Variants in SUMF1 observed in about 807,000 individuals in gnomAD.
SUMF1 encodes the protein formylglycine-generating enzyme.
SUMF1 carries 48 observed loss-of-function variants against 47.6 expected under a neutral mutation model. The ratio of observed to expected loss-of-function variants is 1.01; its 90% CI spans 0.80 to 1.28. The LOEUF is 1.28. SUMF1 is among the 50% of genes most tolerant of loss of function. The pLI is 0.00. For missense variants in SUMF1, 571 were observed against 485.4 expected (o/e 1.18, Z -1.66); for synonymous variants, 230 against 192.1 (o/e 1.20, Z -1.63).
chr3:4,110,760 G>A (rs187802187), intron 8 of SUMF1, among the ~76,000 whole-genome samples: 75 of 147,324 alleles, frequency 5.1e-4, no homozygotes, highest in South Asian at 8.6e-4. Context: ...ACCAAACACC[G>A]CATGTTCTCA....
At chr3:4,175,742 A>C (rs1694945853) in intron 8 of SUMF1, among the ~76,000 whole-genome samples, 1 of 152,178 alleles carries the variant, frequency 6.6e-6, no homozygotes, top group Admixed American at 6.5e-5. Context: ...AACTTCTCCG[A>C]GCTAAAGGAG....
intron 8 of SUMF1, among the ~76,000 whole-genome samples, chr3:4,345,787 C>T (rs1338653243): frequency 6.6e-6 from 1 of 151,992 alleles, no homozygotes; most frequent in East Asian, 1.9e-4. Context: ...ATTCAGGAGA[C>T]CCATCTTACA....
intron 8 of SUMF1, among the ~76,000 whole-genome samples, chr3:4,182,562 AGCTAGAATAGTTCAATAG>A (rs1404155045): frequency 6.6e-6 from 1 of 152,054 alleles, no homozygotes; most frequent in East Asian, 1.9e-4. Flanking sequence ...GGTCCCAAAG[AGCTAGAATAGTTCAATAG>A]GCTTTGTTCT....
intron 6 of SUMF1, among the ~76,000 whole-genome samples, chr3:4,413,406 TG>T (rs1246920432): frequency 6.6e-6 from 1 of 152,148 alleles, no homozygotes; most frequent in Non-Finnish European, 1.5e-5. Flanking sequence ...CTCAAGGGTT[TG>T]GGTATTTTTT....
At chr3:4,309,042 A>G (rs1221715661) in intron 8 of SUMF1, among the ~76,000 whole-genome samples, 2 of 152,228 alleles carry the variant, frequency 1.3e-5, no homozygotes, top group Non-Finnish European at 2.9e-5. Flanking sequence ...AAGACAGGAC[A>G]GTTGGAAGCA....
intron 8 of SUMF1, among the ~76,000 whole-genome samples, chr3:4,271,320 C>T (rs560541759): frequency 5.9e-5 from 9 of 152,152 alleles, no homozygotes; most frequent in Non-Finnish European, 1.0e-4. Flanking sequence ...GGGCCAACCA[C>T]TCCATGTCTT....
intron 8 of SUMF1, among the ~76,000 whole-genome samples, chr3:4,198,166 A>G (rs1319661865): frequency 1.3e-5 from 2 of 151,560 alleles, no homozygotes; most frequent in African/African-American, 2.4e-5. Flanking sequence ...TTCCTTACTC[A>G]TTGGCAGTGA....
chr3:4,371,032 A>T (rs1333342042), intron 8 of SUMF1, among the ~76,000 whole-genome samples: 1 of 152,234 alleles, frequency 6.6e-6, no homozygotes, highest in Non-Finnish European at 1.5e-5. Context: ...GTCAATTCAC[A>T]CATCATTCCA....
At chr3:4,311,981 G>T (rs1698423257) in intron 8 of SUMF1, among the ~76,000 whole-genome samples, 1 of 152,054 alleles carries the variant, frequency 6.6e-6, no homozygotes, top group Non-Finnish European at 1.5e-5. Context: ...TTTAGATTGA[G>T]GATTGTCTTC....
At chr3:4,158,062 T>C (rs1465361089) in intron 8 of SUMF1, among the ~76,000 whole-genome samples, 1 of 151,508 alleles carries the variant, frequency 6.6e-6, no homozygotes, top group Admixed American at 6.6e-5. Context: ...TCCAATTGAG[T>C]TCAATTCAAA....
At chr3:4,403,620 C>T (rs1362738576) in intron 7 of SUMF1, among the ~76,000 whole-genome samples, 1 of 152,148 alleles carries the variant, frequency 6.6e-6, no homozygotes, top group Non-Finnish European at 1.5e-5. Flanking sequence ...AAGGAAGATA[C>T]ATTCTTATTC....
chr3:4,416,501 T>A (rs1701717162), intron 6 of SUMF1, among the ~76,000 whole-genome samples: 1 of 152,228 alleles, frequency 6.6e-6, no homozygotes, highest in Non-Finnish European at 1.5e-5. Flanking sequence ...TAAAAAAATA[T>A]GATACATATA....
chr3:4,373,993 A>AT (rs1164232205), intron 8 of SUMF1, among the ~76,000 whole-genome samples: 3 of 84,038 alleles, frequency 3.6e-5, no homozygotes, highest in Non-Finnish European at 3.7e-5. Context: ...TCCATTGCTG[A>AT]TAAAAAACTC....
chr3:4,060,479 C>T (rs1198223899), intron 9 of SUMF1, among the ~76,000 whole-genome samples: 2 of 152,080 alleles, frequency 1.3e-5, no homozygotes, highest in African/African-American at 4.8e-5. Flanking sequence ...TTTTGAAATT[C>T]AGAATTTTTT....
At chr3:4,057,931 G>A (rs1016746915) in intron 9 of SUMF1, among the ~76,000 whole-genome samples, 1 of 152,118 alleles carries the variant, frequency 6.6e-6, no homozygotes, top group Admixed American at 6.6e-5. Flanking sequence ...TATGCCTTGT[G>A]AAACAAGAGA....
rs182881049 is a variant in SUMF1 at position 4,149,741 on chromosome 3, T to C, written c.1015-80996A>G. ...TATTGCAATTTGGGGTGAGGAAGAC[T>C]GGTAGTTTCCTACACATGGGCTTGC... is the stretch of plus-strand genomic sequence containing the variant. On this transcript the variant is annotated intron_variant and NMD_transcript_variant, in intron 8 of 12. Transcript: ENST00000448413. Among the ~76,000 whole-genome samples the C allele has an allele frequency of 1.4e-4, 22 of 152,250 alleles. 1 individual carries two copies. The East Asian group carries it at 4.1e-3, about 28-fold the overall frequency.
At chr3:4,262,809 G>A (rs13063809) in intron 8 of SUMF1, among the ~76,000 whole-genome samples, 64,935 of 152,000 alleles carry the variant, frequency 0.43, 14,313 homozygotes, top group Non-Finnish European at 0.48. Flanking sequence ...TCCTAGATGT[G>A]TCAATAGGCG....
At chr3:4,344,724 AAAAATTAC>A (rs1176255504) in intron 8 of SUMF1, among the ~76,000 whole-genome samples, 1 of 152,124 alleles carries the variant, frequency 6.6e-6, no homozygotes, top group Non-Finnish European at 1.5e-5. Context: ...ATGGGTAATA[AAAAATTAC>A]GATGAGCTAA....
chr3:4,111,759 T>C (rs1041558320), intron 8 of SUMF1, among the ~76,000 whole-genome samples: 1 of 152,050 alleles, frequency 6.6e-6, no homozygotes, highest in Non-Finnish European at 1.5e-5. Context: ...AAAAAACCTT[T>C]ATTGCTCTGT....
Sources: gnomAD v4.1 joint callset for allele counts (sites outside exome capture counted in the v4.1 genomes callset) on GRCh38, gnomAD v4.1.1 for gene constraint, MANE v1.5 for transcripts, NCBI Gene and HGNC (gene_info 2026-07-23, HGNC 2026-07-21) for gene names.